TTLL9: variants seen among roughly 807,000 people sequenced by gnomAD.
The protein encoded by TTLL9 is probable tubulin polyglutamylase TTLL9.
TTLL9 carries 47 observed loss-of-function variants against 65.6 expected under a neutral mutation model. That is an observed-to-expected ratio of 0.72 (90% CI 0.57 to 0.91). The LOEUF (loss-of-function observed/expected upper bound fraction) is 0.91. Ranked by LOEUF, TTLL9 falls within the 40% of genes least tolerant of loss-of-function variation. The pLI is 0.00. For missense variants in TTLL9, 537 were observed against 568.8 expected (o/e 0.94, Z 0.57); for synonymous variants, 179 against 204.8 (o/e 0.87, Z 1.07).
At chr20:31,933,328 G>C (rs2064052244) in intron 10 of TTLL9, among the ~76,000 whole-genome samples, 1 of 151,936 alleles carries the variant, frequency 6.6e-6, no homozygotes, top group Non-Finnish European at 1.5e-5. Flanking sequence ...CGCCCAGCCT[G>C]GACCCCTCTA....
At chr20:31,933,686 C>A in intron 10 of TTLL9, 114 bp from the exon 11 acceptor site, 1 of 963,834 alleles carries the variant, frequency 1.0e-6, no homozygotes, top group Non-Finnish European at 1.5e-6. Context: ...CACACACGAC[C>A]GTGGAGCTAT....
intron 13 of TTLL9, among the ~76,000 whole-genome samples, chr20:31,938,604 G>A (rs1168236081): frequency 6.6e-6 from 1 of 152,220 alleles, no homozygotes; most frequent in Non-Finnish European, 1.5e-5. Flanking sequence ...GCGGCCGGGG[G>A]TGGTGGCTCA....
intron 10 of TTLL9, among the ~76,000 whole-genome samples, chr20:31,933,579 A>T (rs2064055660): frequency 6.6e-6 from 1 of 152,172 alleles, no homozygotes; most frequent in African/African-American, 2.4e-5. Flanking sequence ...AAAGGTGGGG[A>T]AATAGGCCCA....
At chr20:31,873,870 AAG>A (rs777030828) in intron 2 of TTLL9, among the ~76,000 whole-genome samples, 4 of 141,048 alleles carry the variant, frequency 2.8e-5, no homozygotes, top group African/African-American at 1.0e-4. Flanking sequence ...GAAAGAAAGA[AAG>A]AAAGAAAGAA....
intron 3 of TTLL9, among the ~76,000 whole-genome samples, chr20:31,888,697 G>A (rs1343045586): frequency 6.6e-6 from 1 of 152,116 alleles, no homozygotes; most frequent in Non-Finnish European, 1.5e-5. Context: ...TCTACAGGCT[G>A]TACAAGCATG....
At chr20:31,912,925 A>G (rs896951739) in intron 6 of TTLL9, among the ~76,000 whole-genome samples, 2 of 152,134 alleles carry the variant, frequency 1.3e-5, no homozygotes, top group Non-Finnish European at 1.5e-5. Flanking sequence ...CGGGAGGCCA[A>G]GGTGGGAGGA....
chr20:31,931,324 C>T (rs751722570), intron 10 of TTLL9, among the ~76,000 whole-genome samples: 3 of 152,162 alleles, frequency 2.0e-5, no homozygotes, highest in Admixed American at 2.0e-4. Flanking sequence ...AGCGATCCTC[C>T]TGCCTTGCCC....
At chr20:31,893,768 G>A (rs547930918) in intron 3 of TTLL9, among the ~76,000 whole-genome samples, 1 of 151,696 alleles carries the variant, frequency 6.6e-6, no homozygotes, top group South Asian at 2.1e-4. Flanking sequence ...GGTTAATTGA[G>A]CATCTTGGAT....
rs573163089 is a variant in TTLL9 at position 31,943,834 on chromosome 20, C to T, written c.*813C>T. ...CCTGGGCTCATGGGCAGGACAGCTT[C>T]GGGAGTTGAGTGTGAGTAAAAATCT... is the stretch of plus-strand genomic sequence containing the variant. On this transcript the variant is annotated 3_prime_UTR_variant, in exon 15 of 15. Transcript: ENST00000535842. 7.7e-5 allele frequency: 35 copies of T among 456,494 alleles called. No homozygotes were observed. The highest frequency in any genetic ancestry group is 1.3e-4 in the Non-Finnish European group (30 of 226,958). 28.3% of individuals were successfully genotyped at this position (456,494 alleles called of 1,614,324 possible). A position where few individuals can be genotyped will look rare whatever the true frequency, so the allele number is the denominator to read the frequency against.
chr20:31,882,116 T>C lies in TTLL9; in HGVS notation c.70-5080T>C, dbSNP rs188071423. Among the ~76,000 whole-genome samples, 238 of 152,286 alleles carry C rather than the reference T, an allele frequency of 1.6e-3. 2 individuals carry two copies. Among genetic ancestry groups the C allele is most frequent in the African/African-American group, 5.6e-3 (231 of 41,564 alleles). ...TAAGAGAACATGCCAGGATATACTTTGTGTACCCTCACGAAAATATGCCTA... is the reference window on the plus strand; with the variant it reads ...TAAGAGAACATGCCAGGATATACTTCGTGTACCCTCACGAAAATATGCCTA... On this transcript the variant is annotated intron_variant, in intron 2 of 14. Transcript: ENST00000535842.
intron 6 of TTLL9, among the ~76,000 whole-genome samples, chr20:31,910,896 G>A (rs1240900739): frequency 6.6e-6 from 1 of 152,124 alleles, no homozygotes; most frequent in Admixed American, 6.5e-5. Flanking sequence ...GAGTGGGGCC[G>A]AGCATGGTGG....
At chr20:31,894,720 TAC>T (rs10582768) in intron 3 of TTLL9, among the ~76,000 whole-genome samples, 10,143 of 148,376 alleles carry the variant, frequency 0.068, 407 homozygotes, top group Admixed American at 0.12. Context: ...TACATGTATA[TAC>T]ACACACACAC....
chr20:31,925,830 A>G, intron 9 of TTLL9: 12 of 1,494,352 alleles, frequency 8.0e-6, no homozygotes, highest in Non-Finnish European at 1.1e-5. Context: ...GCCTGTATAT[A>G]TTCCCTTTCC....
intron 4 of TTLL9, among the ~76,000 whole-genome samples, chr20:31,900,450 T>C (rs1968292685): frequency 6.6e-6 from 1 of 152,220 alleles, no homozygotes; most frequent in Non-Finnish European, 1.5e-5. Flanking sequence ...CTCAGTGGAT[T>C]GAAGCAACAA....
At chr20:31,939,424 C>G in intron 14 of TTLL9, 158 bp downstream of exon 14, 1 of 744,972 alleles carries the variant, frequency 1.3e-6, no homozygotes, top group South Asian at 3.4e-5. Context: ...CTCTGTTCCT[C>G]GTTTTTAAAC....
chr20:31,913,089 G>T (rs1447068031), intron 6 of TTLL9, among the ~76,000 whole-genome samples: 1 of 152,128 alleles, frequency 6.6e-6, no homozygotes, highest in South Asian at 2.1e-4. Context: ...GGGCCTAGGA[G>T]GTTGAGGCTG....
At chr20:31,882,514 C>T (rs893368532) in intron 2 of TTLL9, among the ~76,000 whole-genome samples, 2 of 152,090 alleles carry the variant, frequency 1.3e-5, no homozygotes, top group African/African-American at 2.4e-5. Flanking sequence ...TGGCGCCATT[C>T]GTGCTACCTT....
chr20:31,872,579 C>T (rs1169247072), intron 2 of TTLL9, among the ~76,000 whole-genome samples: 2 of 151,692 alleles, frequency 1.3e-5, no homozygotes, highest in Non-Finnish European at 1.5e-5. Flanking sequence ...AGTGGGAGGA[C>T]CACTTGAGCC....
intron 2 of TTLL9, among the ~76,000 whole-genome samples, chr20:31,873,525 G>A (rs1209463505): frequency 2.0e-5 from 3 of 151,746 alleles, no homozygotes; most frequent in Non-Finnish European, 4.4e-5. Flanking sequence ...CGGGTGTGGT[G>A]GCACGAACCT....
Sources: gnomAD v4.1 joint callset for allele counts (sites outside exome capture counted in the v4.1 genomes callset) on GRCh38, gnomAD v4.1.1 for gene constraint, MANE v1.5 for transcripts, NCBI Gene and HGNC (gene_info 2026-07-23, HGNC 2026-07-21) for gene names.